Variants in GRXCR2 observed in about 807,000 individuals in gnomAD.
The protein encoded by GRXCR2 is glutaredoxin and cysteine rich domain containing 2, also known as glutaredoxin domain-containing cysteine-rich protein 2.
Under a neutral mutation model 24.8 loss-of-function variants are expected in GRXCR2, and 23 were observed. That is an observed-to-expected ratio of 0.93 (90% CI 0.67 to 1.32). GRXCR2 has a LOEUF of 1.32. Ranked by LOEUF, GRXCR2 falls within the 40% of genes most tolerant of loss-of-function variation. The pLI is 0.00. For missense variants in GRXCR2, 315 were observed against 303.4 expected, an observed-to-expected ratio of 1.04 and a Z score of -0.28; for synonymous variants, 130 against 116.1, an observed-to-expected ratio of 1.12 and a Z score of -0.77.
chr5:145,928,958 T>C (rs562620827), intron 2 of GRXCR2, among the ~76,000 whole-genome samples: 1 of 151,856 alleles, frequency 6.6e-6, no homozygotes, highest in Non-Finnish European at 1.5e-5. Context: ...ATTACAAACA[T>C]ACATGAGCAA....
intron 2 of GRXCR2, among the ~76,000 whole-genome samples, chr5:145,909,859 T>C (rs537291422): frequency 3.9e-5 from 6 of 152,296 alleles, no homozygotes; most frequent in African/African-American, 1.4e-4. Flanking sequence ...ATTGCTGATC[T>C]CTTGATTTAT....
intron 2 of GRXCR2, among the ~76,000 whole-genome samples, chr5:145,916,728 T>C (rs1757246363): frequency 6.6e-6 from 1 of 152,180 alleles, no homozygotes; most frequent in African/African-American, 2.4e-5. Flanking sequence ...GGTGACTTCC[T>C]ATATTAACTT....
At chr5:145,919,916 G>A (rs1757299789) in intron 2 of GRXCR2, among the ~76,000 whole-genome samples, 1 of 152,086 alleles carries the variant, frequency 6.6e-6, no homozygotes, top group South Asian at 2.1e-4. Context: ...GTAGGAGAAT[G>A]TTCCAGAAAT....
In GRXCR2 at chr5:145,859,356, T is replaced by A; in HGVS notation, c.*377A>T. 1 of 193,512 alleles carries A rather than the reference T, an allele frequency of 5.2e-6. No individual in the cohort carries two copies. 12.0% of individuals were successfully genotyped at this position (193,512 alleles called of 1,614,324 possible). On this transcript the variant is annotated 3_prime_UTR_variant, in exon 3 of 3. Transcript: ENST00000377976. ...ATCAGTTCATCAGAAACCTGCCTTTTTTACTCCTTTCTCACCACATAATTT... is the reference window on the plus strand; with the variant it reads ...ATCAGTTCATCAGAAACCTGCCTTTATTACTCCTTTCTCACCACATAATTT...
At chr5:145,924,424 C>T (rs1452883852) in intron 2 of GRXCR2, among the ~76,000 whole-genome samples, 1 of 152,128 alleles carries the variant, frequency 6.6e-6, no homozygotes, top group Non-Finnish European at 1.5e-5. Flanking sequence ...CTAATTCCCC[C>T]TATGCTCTCT....
rs184851207 is a variant in GRXCR2 at position 145,891,728 on chromosome 5, G to C, written c.-69-25000C>G. On this transcript the variant is annotated intron_variant, in intron 2 of 3. Coordinates refer to the GRXCR2 transcript ENST00000639411. ...GGGGGCAGGGCATAGCCAAACAAAA[G>C]GCAGTAGACACCTCTGCAGAATTAA... 2.9e-3 allele frequency among the ~76,000 whole-genome samples: 444 copies of C among 152,318 alleles called. 2 individuals carry two copies. The highest frequency in any genetic ancestry group is 0.01 in the African/African-American group (434 of 41,576).
intron 2 of GRXCR2, among the ~76,000 whole-genome samples, chr5:145,891,616 A>G (rs950892974): frequency 2.6e-5 from 4 of 152,174 alleles, no homozygotes; most frequent in African/African-American, 9.7e-5. Context: ...AGGTTTGAGT[A>G]GGTAAACAAA....
rs1377632915 is a variant in GRXCR2 at position 145,887,480 on chromosome 5, T to TTCATTC, written c.-69-20753_-69-20752insGAATGA. On this transcript the variant is annotated intron_variant, in intron 2 of 3. Transcript: ENST00000639411. ...TGGAAACATTTATTTTTTAGTACTG[T>TTCATTC]ACTCAAAATGAATGAACACCACAGA... 2.0e-5 allele frequency among the ~76,000 whole-genome samples: 3 copies of TTCATTC among 152,308 alleles called. No individual in the cohort carries two copies. In the East Asian group the frequency reaches 5.8e-4, roughly 29 times the overall value.
intron 2 of GRXCR2, among the ~76,000 whole-genome samples, chr5:145,892,295 C>T (rs539296762): frequency 6.6e-6 from 1 of 152,276 alleles, no homozygotes; most frequent in South Asian, 2.1e-4. Flanking sequence ...ATGACTTTAA[C>T]CAGTGGAGAG....
chr5:145,924,701 A>T (rs55636228), intron 2 of GRXCR2, among the ~76,000 whole-genome samples: 27,550 of 152,090 alleles, frequency 0.18, 2,759 homozygotes, highest in Non-Finnish European at 0.23. Flanking sequence ...AACCTCTCTC[A>T]CCCTCTGTTT....
At chr5:145,927,297 G>C (rs1199365392) in intron 2 of GRXCR2, among the ~76,000 whole-genome samples, 1 of 152,126 alleles carries the variant, frequency 6.6e-6, no homozygotes, top group Non-Finnish European at 1.5e-5. Context: ...GGGCATCCCT[G>C]TCTTGTGCCA....
At chr5:145,907,028 G>A (rs1757098416) in intron 2 of GRXCR2, among the ~76,000 whole-genome samples, 1 of 152,152 alleles carries the variant, frequency 6.6e-6, no homozygotes, top group African/African-American at 2.4e-5. Context: ...GCCAAGGCAG[G>A]ACCGTGCCTG....
intron 2 of GRXCR2, among the ~76,000 whole-genome samples, chr5:145,907,253 A>T (rs1448828630): frequency 6.6e-6 from 1 of 152,096 alleles, no homozygotes; most frequent in Non-Finnish European, 1.5e-5. Flanking sequence ...CCCTGGCGGA[A>T]TGCAGTGGTT....
chr5:145,859,534 G>GC lies in GRXCR2; in HGVS notation c.*198dup. 1 of 601,714 alleles carries GC rather than the reference G, an allele frequency of 1.7e-6. No individual in the cohort carries two copies. The highest frequency in any genetic ancestry group is 2.0e-5 in the South Asian group (1 of 49,702). The allele number at this position is 601,714 out of a possible 1,614,324, so 37.3% of individuals were successfully genotyped here. On this transcript the variant is annotated 3_prime_UTR_variant, in exon 3 of 3. Transcript: ENST00000377976. Reference sequence around the variant, plus strand: ...TCAAAGCAGACTATAATTCAGAAATGCCCCTGCCACTTAGACCCACAGAGA... The same window carrying GC: ...TCAAAGCAGACTATAATTCAGAAATGCCCCCTGCCACTTAGACCCACAGAGA...
At chr5:145,927,270 A>C (rs1757412361) in intron 2 of GRXCR2, among the ~76,000 whole-genome samples, 1 of 152,150 alleles carries the variant, frequency 6.6e-6, no homozygotes, top group South Asian at 2.1e-4. Flanking sequence ...ACTATGTTGA[A>C]TAGGAGTGGT....
intron 2 of GRXCR2, among the ~76,000 whole-genome samples, chr5:145,883,699 C>G (rs975735302): frequency 1.3e-5 from 2 of 152,060 alleles, no homozygotes; most frequent in Non-Finnish European, 2.9e-5. Context: ...TCAAGACCAG[C>G]CTGGGCAAGT....
chr5:145,920,075 G>A (rs1247240486), intron 2 of GRXCR2, among the ~76,000 whole-genome samples: 1 of 152,158 alleles, frequency 6.6e-6, no homozygotes, highest in Non-Finnish European at 1.5e-5. Context: ...CCTCCTCACT[G>A]TTTAGAGTAG....
At chr5:145,917,062 C>CTT (rs34794205) in intron 2 of GRXCR2, among the ~76,000 whole-genome samples, 6,108 of 142,372 alleles carry the variant, frequency 0.043, 381 homozygotes, top group African/African-American at 0.14. Context: ...TCCTAAGCAT[C>CTT]TTTTTTTTTT....
At chr5:145,870,935 A>G (rs535181474) in intron 1 of GRXCR2, among the ~76,000 whole-genome samples, 1 of 152,196 alleles carries the variant, frequency 6.6e-6, no homozygotes, top group East Asian at 1.9e-4. Context: ...ATTTACCTAG[A>G]TTTATAAATT....
Sources: gnomAD v4.1 joint callset for allele counts (sites outside exome capture counted in the v4.1 genomes callset) on GRCh38, gnomAD v4.1.1 for gene constraint, MANE v1.5 for transcripts, NCBI Gene and HGNC (gene_info 2026-07-23, HGNC 2026-07-21) for gene names.